The following NRXN3 variants were observed in gnomAD, a reference collection of about 807,000 sequenced individuals.
NRXN3 encodes neurexin III.
Under a neutral mutation model 137.6 loss-of-function variants are expected in NRXN3, and 32 were observed. The observed-to-expected ratio is 0.23, with a 90% CI of 0.18 to 0.31. The LOEUF (loss-of-function observed/expected upper bound fraction) is 0.31. Among genes scored for constraint, NRXN3 ranks in the 10% least tolerant of loss-of-function variants. The pLI is 1.00. For missense variants in NRXN3, 1,574 were observed against 2,062.5 expected, an observed-to-expected ratio of 0.76 and a Z score of 4.59; for synonymous variants, 798 against 784.5, an observed-to-expected ratio of 1.02 and a Z score of -0.29.
chr14:79,585,140 A>C (rs190092), intron 16 of NRXN3, among the ~76,000 whole-genome samples: 64,034 of 151,944 alleles, frequency 0.42, 16,537 homozygotes, highest in African/African-American at 0.72. Context: ...CAAATGATCT[A>C]TTTTATATTA....
intron 19 of NRXN3, among the ~76,000 whole-genome samples, chr14:79,773,281 T>C (rs1465056167): frequency 6.6e-6 from 1 of 152,110 alleles, no homozygotes; most frequent in East Asian, 1.9e-4. Flanking sequence ...TTACTGGGTA[T>C]ATACCCAAAG....
At chr14:79,598,944 A>C (rs1421233892) in intron 16 of NRXN3, among the ~76,000 whole-genome samples, 1 of 152,202 alleles carries the variant, frequency 6.6e-6, no homozygotes, top group Non-Finnish European at 1.5e-5. Flanking sequence ...ATGTATGAAT[A>C]GCTCCAATTC....
chr14:78,172,757 C>A (rs1017360512), intron 1 of NRXN3, among the ~76,000 whole-genome samples: 2 of 152,092 alleles, frequency 1.3e-5, no homozygotes, highest in Admixed American at 6.5e-5. Flanking sequence ...TTTTCTGGAG[C>A]TTTCTGGCCC....
intron 15 of NRXN3, among the ~76,000 whole-genome samples, chr14:79,420,407 A>G (rs1429269370): frequency 6.6e-6 from 1 of 152,144 alleles, no homozygotes. Flanking sequence ...CTTGGCAAAT[A>G]TCTTGAGCAG....
chr14:78,723,611 C>T (rs115983960), intron 8 of NRXN3, among the ~76,000 whole-genome samples: 29 of 152,280 alleles, frequency 1.9e-4, no homozygotes, highest in African/African-American at 6.0e-4. Context: ...TCTGTGCCTC[C>T]GTTTCAATAT....
chr14:78,452,223 G>A (rs1431917775), intron 4 of NRXN3, among the ~76,000 whole-genome samples: 1 of 152,186 alleles, frequency 6.6e-6, no homozygotes, highest in Non-Finnish European at 1.5e-5. Context: ...CTTGGCTCAA[G>A]TCTCAGCTCA....
At chr14:79,630,334 G>T (rs538653085) in intron 16 of NRXN3, among the ~76,000 whole-genome samples, 2 of 152,312 alleles carry the variant, frequency 1.3e-5, no homozygotes, top group African/African-American at 2.4e-5. Context: ...GCAGTGGAAA[G>T]AAAGCTCTAA....
chr14:78,435,710 A>T (rs1310428896), intron 4 of NRXN3, among the ~76,000 whole-genome samples: 2 of 152,206 alleles, frequency 1.3e-5, no homozygotes, highest in Non-Finnish European at 2.9e-5. Context: ...ATTCATTGCC[A>T]GGCAAAGAAC....
chr14:79,026,950 TTATATATATATATATATATATATA>T (rs764640398), intron 15 of NRXN3, among the ~76,000 whole-genome samples: 5,927 of 134,842 alleles, frequency 0.044, 555 homozygotes, highest in African/African-American at 0.17. Flanking sequence ...TATTATAATT[TTATATATATATATATATATATATA>T]TATATATATA....
chr14:79,431,547 A>G (rs567786558), intron 15 of NRXN3, among the ~76,000 whole-genome samples: 1 of 152,184 alleles, frequency 6.6e-6, no homozygotes, highest in Non-Finnish European at 1.5e-5. Context: ...ATGATGGATC[A>G]AGATTAAAAC....
At chr14:78,524,386 A>G (rs75496042) in intron 4 of NRXN3, among the ~76,000 whole-genome samples, 7,196 of 152,328 alleles carry the variant, frequency 0.047, 229 homozygotes, top group Non-Finnish European at 0.069. Context: ...GTCTATTAAC[A>G]CAATCACTGA....
At chr14:79,819,762 C>CACTATTGATGGCCTGACAAGG (rs2099265577) in intron 20 of NRXN3, among the ~76,000 whole-genome samples, 1 of 151,634 alleles carries the variant, frequency 6.6e-6, no homozygotes, top group African/African-American at 2.4e-5. Context: ...GGATTACAGG[C>CACTATTGATGGCCTGACAAGG]ATCAGCCACC....
At chr14:79,327,844 A>C (rs1448070113) in intron 15 of NRXN3, among the ~76,000 whole-genome samples, 4 of 152,292 alleles carry the variant, frequency 2.6e-5, no homozygotes, top group Admixed American at 2.6e-4. Context: ...GGTTGCCTAA[A>C]ATGATATGTC....
intron 15 of NRXN3, among the ~76,000 whole-genome samples, chr14:79,449,387 C>A (rs764680536): frequency 2.0e-5 from 3 of 151,920 alleles, no homozygotes; most frequent in Non-Finnish European, 4.4e-5. Context: ...TGGGCTAGCA[C>A]TTCAGTTTGC....
intron 16 of NRXN3, among the ~76,000 whole-genome samples, chr14:79,625,498 G>T (rs2098272346): frequency 6.6e-6 from 1 of 152,168 alleles, no homozygotes; most frequent in African/African-American, 2.4e-5. Flanking sequence ...TAATATGGTA[G>T]TTCTAGTTCT....
intron 8 of NRXN3, 35 bp downstream of exon 8, chr14:78,715,174 G>A: frequency 1.3e-6 from 2 of 1,585,972 alleles, no homozygotes; most frequent in South Asian, 1.1e-5. Flanking sequence ...GTGAGGGCCT[G>A]AGTGGGGCTG....
intron 1 of NRXN3, among the ~76,000 whole-genome samples, chr14:78,219,563 T>A (rs531931053): frequency 6.6e-6 from 1 of 152,330 alleles, no homozygotes; most frequent in East Asian, 1.9e-4. Flanking sequence ...ACAAGTTACT[T>A]AGACTCGACG....
At chr14:78,709,020 G>T (rs1343155614) in intron 6 of NRXN3, among the ~76,000 whole-genome samples, 197 bp from the exon 7 acceptor site, 1 of 152,154 alleles carries the variant, frequency 6.6e-6, no homozygotes, top group Non-Finnish European at 1.5e-5. Context: ...AAATATAGAG[G>T]CTTTTTTGGA....
At chr14:78,509,243 G>A (rs779817908) in intron 4 of NRXN3, among the ~76,000 whole-genome samples, 16 of 152,152 alleles carry the variant, frequency 1.1e-4, no homozygotes, top group Non-Finnish European at 2.2e-4. Context: ...AGGTTACAGT[G>A]AGCCAAGATC....
Sources: allele counts gnomAD v4.1 joint callset (sites outside exome capture counted in the v4.1 genomes callset), GRCh38; gene constraint gnomAD v4.1.1; transcripts MANE v1.5; gene names NCBI Gene and HGNC (gene_info 2026-07-23, HGNC 2026-07-21).